The following PARD3B variants were observed in gnomAD, a reference collection of about 807,000 sequenced individuals.
The protein encoded by PARD3B is partitioning defective 3 homolog B.
In PARD3B, 103 loss-of-function variants were observed where a neutral mutation model predicts 130.2. That is an observed-to-expected ratio of 0.79 (90% CI 0.67 to 0.93). PARD3B has a LOEUF of 0.93. Ranked by LOEUF, PARD3B falls within the 40% of genes least tolerant of loss-of-function variation. PARD3B has a pLI of 0.00. For missense variants in PARD3B, 1,609 were observed against 1,499.2 expected, an observed-to-expected ratio of 1.07 and a Z score of -1.21; for synonymous variants, 583 against 553.2, an observed-to-expected ratio of 1.05 and a Z score of -0.76.
Position 205,172,234 on chromosome 2 carries a change from C to T in PARD3B, c.1644C>T (p.Asp548=). The change falls in exon 12 of 23, where the codon GAC becomes GAT. Residue 548 remains aspartate (D), a synonymous_variant. Coordinates refer to ENST00000406610, the MANE Select transcript of PARD3B (RefSeq NM_001302769.2). ...AGGATGGTCGTCTGCGAATGAATGA[C>T]CAGCTGATTGCAGTTAATGGGGAAT... The part of the protein sequence containing the change: ...AFKDGRLRMN[D]QLIAVNGESL... 2 of 1,614,056 alleles carry T rather than the reference C, an allele frequency of 1.2e-6. No individual in the cohort carries two copies. The highest frequency in any genetic ancestry group is 2.2e-5 in the East Asian group (1 of 44,884).
intron 11 of PARD3B, among the ~76,000 whole-genome samples, chr2:205,170,676 T>C (rs1319413619): frequency 6.6e-6 from 1 of 152,218 alleles, no homozygotes; most frequent in African/African-American, 2.4e-5. Flanking sequence ...TCGGGCCATC[T>C]GCTACTGCAT....
At chr2:205,003,909 A>C (rs1037526984) in intron 3 of PARD3B, among the ~76,000 whole-genome samples, 4 of 152,176 alleles carry the variant, frequency 2.6e-5, no homozygotes, top group African/African-American at 9.6e-5. Context: ...GGGGTCTTCC[A>C]AGGTATTTAG....
chr2:205,088,407 T>C (rs1332331447), intron 4 of PARD3B, among the ~76,000 whole-genome samples: 1 of 152,210 alleles, frequency 6.6e-6, no homozygotes, highest in Non-Finnish European at 1.5e-5. Context: ...GATTGTTATA[T>C]TTCTTTTTTA....
At position 204,604,105 on chromosome 2, in the gene PARD3B, A is replaced by G. The variant is rs114705026; in HGVS notation, c.120+57986A>G. 8.5e-3 allele frequency among the ~76,000 whole-genome samples: 1,301 copies of G among 152,272 alleles called. 17 individuals are homozygous for G. Among genetic ancestry groups the G allele is most frequent in the African/African-American group, 0.03 (1,241 of 41,574 alleles). ...AGAAGACAACTGTGGAGGCGATTACATTTGTCATTAGTGACCTCGTTTCTA... is the reference window on the plus strand; with the variant it reads ...AGAAGACAACTGTGGAGGCGATTACGTTTGTCATTAGTGACCTCGTTTCTA... On this transcript the variant is annotated intron_variant, in intron 1 of 22. Coordinates refer to ENST00000406610, the MANE Select transcript of PARD3B (RefSeq NM_001302769.2).
At chr2:204,899,968 A>G (rs2046799244) in intron 2 of PARD3B, among the ~76,000 whole-genome samples, 1 of 152,064 alleles carries the variant, frequency 6.6e-6, no homozygotes, top group African/African-American at 2.4e-5. Context: ...TTCCACTGAG[A>G]AGTCTACTGC....
chr2:205,383,126 AGATAGATAGATAGATC>A lies in PARD3B; in HGVS notation c.2631-17883_2631-17868del, dbSNP rs778007332. 6.5e-3 allele frequency among the ~76,000 whole-genome samples: 981 copies of A among 150,360 alleles called. 3 individuals carry two copies. Among genetic ancestry groups the A allele is most frequent in the African/African-American group, 0.014 (560 of 40,480 alleles). On this transcript the variant is annotated intron_variant, in intron 18 of 22. Coordinates refer to ENST00000406610, the MANE Select transcript of PARD3B (RefSeq NM_001302769.2). ...TAGATAGATAGATAGATAGATAGAT[AGATAGATAGATAGATC>A]GATCTAAACTATGTCTACACATATC... is the stretch of plus-strand genomic sequence containing the variant.
At chr2:204,704,493 A>G (rs1429199487) in intron 2 of PARD3B, among the ~76,000 whole-genome samples, 1 of 152,196 alleles carries the variant, frequency 6.6e-6, no homozygotes, top group Non-Finnish European at 1.5e-5. Flanking sequence ...ATAAAGAACC[A>G]TCTGAGGTGA....
intron 19 of PARD3B, among the ~76,000 whole-genome samples, chr2:205,430,370 A>T (rs1425907682): frequency 6.6e-6 from 1 of 152,206 alleles, no homozygotes; most frequent in African/African-American, 2.4e-5. Context: ...CTCCTCAAAA[A>T]TGTTGAATCT....
intron 21 of PARD3B, among the ~76,000 whole-genome samples, chr2:205,501,707 T>G (rs1344047083): frequency 6.6e-6 from 1 of 152,134 alleles, no homozygotes; most frequent in Non-Finnish European, 1.5e-5. Context: ...TCCTGGTTGT[T>G]TTGACCTTAT....
chr2:205,541,693 G>C (rs111517149), intron 21 of PARD3B, among the ~76,000 whole-genome samples: 1 of 150,934 alleles, frequency 6.6e-6, no homozygotes, highest in African/African-American at 2.4e-5. Context: ...TTTTCCCTTC[G>C]TGGCAATGAG....
rs1311545479 is a variant in PARD3B at position 204,610,073 on chromosome 2, A to T, written c.120+63954A>T. 6.6e-6 allele frequency among the ~76,000 whole-genome samples: 1 copy of T among 151,972 alleles called. No homozygotes were observed. Among genetic ancestry groups the T allele is most frequent in the Admixed American group, 6.6e-5 (1 of 15,254 alleles). On this transcript the variant is annotated intron_variant, in intron 1 of 22. Coordinates refer to ENST00000406610, the MANE Select transcript of PARD3B (RefSeq NM_001302769.2). The surrounding 1 kb of genome is among the most constrained non-coding windows in gnomAD (Gnocchi z 4.1). ...CTGTTTTTTCAGTCTTATGATGCCA[A>T]TTTCAATGTTAATGCTGGCCAGTTA...
At chr2:204,604,910 G>A (rs931970184) in intron 1 of PARD3B, among the ~76,000 whole-genome samples, 3 of 152,012 alleles carry the variant, frequency 2.0e-5, no homozygotes, top group Non-Finnish European at 4.4e-5. Flanking sequence ...TATTCATCTG[G>A]TGCCTTGTCT....
chr2:205,003,803 T>C (rs1487649467), intron 3 of PARD3B, among the ~76,000 whole-genome samples: 1 of 152,234 alleles, frequency 6.6e-6, no homozygotes, highest in African/African-American at 2.4e-5. Context: ...GACAGATTCT[T>C]GAGAGAATGG....
At position 205,105,587 on chromosome 2, in the gene PARD3B, G is replaced by T. The variant is rs1359647858; in HGVS notation, c.593+1073G>T. On this transcript the variant is annotated intron_variant, in intron 5 of 22. Coordinates refer to ENST00000406610, the MANE Select transcript of PARD3B (RefSeq NM_001302769.2). This position sits in a 1 kb window ranked among gnomAD's most constrained non-coding sequence, Gnocchi z 4.0. The stretch of plus-strand genomic sequence containing the variant: ...TCCTCAAACTTATTTATAGCCACGT[G>T]AGCATAGTTACTCTTTATTTAGATC... 6.6e-6 allele frequency among the ~76,000 whole-genome samples: 1 copy of T among 152,096 alleles called. No homozygotes were observed. The highest frequency in any genetic ancestry group is 1.5e-5 in the Non-Finnish European group (1 of 68,012).
chr2:204,582,272 T>C (rs2032595670), intron 1 of PARD3B, among the ~76,000 whole-genome samples: 1 of 152,244 alleles, frequency 6.6e-6, no homozygotes, highest in Admixed American at 6.5e-5. Context: ...GTCTACCTAG[T>C]TACATCTTGC....
chr2:205,142,939 G>A lies in PARD3B; in HGVS notation c.1435-15783G>A, dbSNP rs2033087216. 6.6e-6 allele frequency among the ~76,000 whole-genome samples: 1 copy of A among 151,136 alleles called. No individual in the cohort carries two copies. The highest frequency in any genetic ancestry group is 1.9e-4 in the East Asian group (1 of 5,184). ...TAGGCAAGCTGGCAAATAATTGTAAGAAAGTGATGCGAATCATCAGAATGG... is the reference window on the plus strand; with the variant it reads ...TAGGCAAGCTGGCAAATAATTGTAAAAAAGTGATGCGAATCATCAGAATGG... On this transcript the variant is annotated intron_variant, in intron 10 of 22. Coordinates refer to ENST00000406610, the MANE Select transcript of PARD3B (RefSeq NM_001302769.2). This position sits in a 1 kb window ranked among gnomAD's most constrained non-coding sequence, Gnocchi z 4.3.
At chr2:205,090,683 T>G (rs1207324338) in intron 4 of PARD3B, among the ~76,000 whole-genome samples, 2 of 152,218 alleles carry the variant, frequency 1.3e-5, no homozygotes, top group African/African-American at 2.4e-5. Flanking sequence ...TACATGGCTT[T>G]CTTTCTTCCA....
chr2:205,488,579 A>G (rs986395566), intron 20 of PARD3B, among the ~76,000 whole-genome samples: 1 of 152,168 alleles, frequency 6.6e-6, no homozygotes, highest in African/African-American at 2.4e-5. Context: ...TTAGCACTGC[A>G]TTAGATGGCT....
chr2:205,155,374 A>G (rs1396302750), intron 10 of PARD3B, among the ~76,000 whole-genome samples: 1 of 152,206 alleles, frequency 6.6e-6, no homozygotes, highest in Non-Finnish European at 1.5e-5. Flanking sequence ...CAAAATATAC[A>G]TTGACATAAT....
Sources: allele counts gnomAD v4.1 joint callset (sites outside exome capture counted in the v4.1 genomes callset), GRCh38; gene constraint gnomAD v4.1.1; non-coding constraint Gnocchi (gnomAD v3.1); transcripts MANE v1.5; gene names NCBI Gene and HGNC (gene_info 2026-07-23, HGNC 2026-07-21).